ADGRL2: variants seen among roughly 807,000 people sequenced by gnomAD.
The protein encoded by ADGRL2 is calcium-independent alpha-latrotoxin receptor 2.
In ADGRL2, 44 loss-of-function variants were observed where a neutral mutation model predicts 157.4. The observed-to-expected ratio is 0.28, with a 90% CI of 0.22 to 0.36. The LOEUF (loss-of-function observed/expected upper bound fraction) is 0.36, where lower values mean the gene tolerates loss of function less well. Ranked by LOEUF, ADGRL2 falls within the 10% of genes least tolerant of loss-of-function variation. ADGRL2 has a pLI of 1.00. For missense variants in ADGRL2, 1,510 were observed against 1,768.9 expected (o/e 0.85, Z 2.63); for synonymous variants, 585 against 624.7 (o/e 0.94, Z 0.95).
At chr1:81,988,629 A>G (rs1176286760) in intron 23 of ADGRL2, among the ~76,000 whole-genome samples, 1 of 152,182 alleles carries the variant, frequency 6.6e-6, no homozygotes, top group African/African-American at 2.4e-5. Flanking sequence ...CAGATGTAGA[A>G]GTTGGGACAG....
At chr1:81,937,459 T>C (rs752801189) in intron 4 of ADGRL2, among the ~76,000 whole-genome samples, 17 of 151,894 alleles carry the variant, frequency 1.1e-4, no homozygotes, top group Non-Finnish European at 2.2e-4. Context: ...ATTGAAAAGT[T>C]TATAGGTAGG....
chr1:81,814,105 A>T (rs750901141), intron 1 of ADGRL2, among the ~76,000 whole-genome samples: 2 of 151,768 alleles, frequency 1.3e-5, no homozygotes, highest in Non-Finnish European at 3.0e-5. Context: ...GATGTTTATG[A>T]CAAGGAAATA....
chr1:81,451,892 T>C (rs1031746430), intron 2 of ADGRL2, among the ~76,000 whole-genome samples: 9 of 152,204 alleles, frequency 5.9e-5, no homozygotes, highest in African/African-American at 2.2e-4. Flanking sequence ...TATAAAATAA[T>C]ACACCTGTCT....
intron 15 of ADGRL2, 92 bp from the exon 16 acceptor site, chr1:81,970,222 G>A: frequency 3.6e-6 from 3 of 841,032 alleles, no homozygotes; most frequent in South Asian, 2.8e-5. Context: ...TGAAATAATA[G>A]TGATTTCTCT....
intron 1 of ADGRL2, among the ~76,000 whole-genome samples, chr1:81,751,361 G>A (rs1308219928): frequency 6.6e-6 from 1 of 152,154 alleles, no homozygotes; most frequent in Non-Finnish European, 1.5e-5. Flanking sequence ...CATGAGTAAT[G>A]TGCCACCTGA....
At chr1:81,808,403 G>C (rs2089435984) in intron 1 of ADGRL2, among the ~76,000 whole-genome samples, 1 of 151,934 alleles carries the variant, frequency 6.6e-6, no homozygotes, top group Non-Finnish European at 1.5e-5. Context: ...CGCCAGTTTT[G>C]ATATGCATAC....
At chr1:81,416,475 ATT>A (rs1397762470) in intron 1 of ADGRL2, among the ~76,000 whole-genome samples, 1 of 152,154 alleles carries the variant, frequency 6.6e-6, no homozygotes, top group Non-Finnish European at 1.5e-5. Flanking sequence ...TTGACTTTAA[ATT>A]ATCTGTTTAT....
rs74885567 is a variant in ADGRL2, at chr1:81,942,440, T to C, written c.409+395T>C. ...TGCATTTACTTTTCTGTGCTCCTAA[T>C]TGCATTTTCCAAATACTTATGTTCC... On this transcript the variant is annotated intron_variant, in intron 5 of 23. Coordinates refer to ENST00000686636, the MANE Select transcript of ADGRL2 (RefSeq NM_001366006.2). Among the ~76,000 whole-genome samples, 72 of 152,016 alleles carry C rather than the reference T, an allele frequency of 4.7e-4. No individual in the cohort carries two copies. The East Asian group carries it at 0.013, about 28-fold the overall frequency.
chr1:81,309,492 C>T (rs1659584241), intron 1 of ADGRL2, among the ~76,000 whole-genome samples: 1 of 152,096 alleles, frequency 6.6e-6, no homozygotes, highest in African/African-American at 2.4e-5. Context: ...TAATGCCTTC[C>T]TAATTATCTC....
At chr1:81,331,373 G>A (rs1326477350) in intron 1 of ADGRL2, among the ~76,000 whole-genome samples, 1 of 152,048 alleles carries the variant, frequency 6.6e-6, no homozygotes, top group Non-Finnish European at 1.5e-5. Flanking sequence ...CCCTTTGGGG[G>A]TATGTTACGT....
rs1044898019 is a variant in ADGRL2, at chr1:81,531,755, C to T, written c.-247-49121C>T. Among the ~76,000 whole-genome samples the T allele has an allele frequency of 2.6e-5, 4 of 152,128 alleles. No homozygotes were observed. The East Asian group carries it at 7.7e-4, about 29-fold the overall frequency. On this transcript the variant is annotated intron_variant, in intron 2 of 24. Coordinates refer to the ADGRL2 transcript ENST00000370721. ...CTTGATTTCAGGTTAGGGCTAGGATCGTGTCTAGAATGAAGGGCCTATATT... is the reference window on the plus strand; with the variant it reads ...CTTGATTTCAGGTTAGGGCTAGGATTGTGTCTAGAATGAAGGGCCTATATT...
chr1:81,923,203 T>C (rs1019448200), intron 3 of ADGRL2, among the ~76,000 whole-genome samples: 5 of 152,202 alleles, frequency 3.3e-5, no homozygotes, highest in Non-Finnish European at 5.9e-5. Flanking sequence ...TAATGCCTTA[T>C]TATATACAGC....
chr1:81,976,743 G>A (rs910325816), intron 17 of ADGRL2, among the ~76,000 whole-genome samples: 6 of 152,024 alleles, frequency 3.9e-5, no homozygotes, highest in Middle Eastern at 3.4e-3. Context: ...ACTAGTGGGA[G>A]TAGAAGCGTG....
Position 81,713,114 on chromosome 1 carries a change from T to A in ADGRL2, c.-143+13306T>A, listed in dbSNP as rs115633407. On this transcript the variant is annotated intron_variant, in intron 1 of 20. Transcript: ENST00000359929. Reference sequence around the variant, plus strand: ...TAAAAAACCCCGATATATAATGAAATGGAATGAAAATCATTTGAAGATGGA... The same window carrying A: ...TAAAAAACCCCGATATATAATGAAAAGGAATGAAAATCATTTGAAGATGGA... Among the ~76,000 whole-genome samples the A allele has an allele frequency of 2.3e-3, 343 of 152,164 alleles. 1 individual carries two copies. Among genetic ancestry groups the A allele is most frequent in the African/African-American group, 7.9e-3 (327 of 41,508 alleles).
chr1:81,466,826 T>A (rs1176480499), intron 2 of ADGRL2, among the ~76,000 whole-genome samples: 1 of 152,158 alleles, frequency 6.6e-6, no homozygotes, highest in Non-Finnish European at 1.5e-5. Flanking sequence ...TAAACCACAT[T>A]GTTTCTTTGG....
chr1:81,357,713 TG>T, intron 1 of ADGRL2, among the ~76,000 whole-genome samples: 1 of 152,224 alleles, frequency 6.6e-6, no homozygotes, highest in African/African-American at 2.4e-5. Context: ...CAGGCAGGCT[TG>T]GGGGTAGAAG....
chr1:81,806,618 C>A (rs1311186594), intron 1 of ADGRL2, among the ~76,000 whole-genome samples: 1 of 151,934 alleles, frequency 6.6e-6, no homozygotes, highest in Non-Finnish European at 1.5e-5. Context: ...GCTTTATTTT[C>A]TATCAAAATA....
chr1:81,523,316 G>T (rs1409115794), intron 2 of ADGRL2, among the ~76,000 whole-genome samples: 3 of 151,920 alleles, frequency 2.0e-5, no homozygotes, highest in Middle Eastern at 3.2e-3. Context: ...AATAGAGCCA[G>T]GAAGTCTTAA....
chr1:81,503,688 C>T lies in ADGRL2; in HGVS notation c.-248+58599C>T, dbSNP rs564912838. Among the ~76,000 whole-genome samples, 7 of 152,296 alleles carry T rather than the reference C, an allele frequency of 4.6e-5. No individual in the cohort carries two copies. In the South Asian group the frequency reaches 1.5e-3, roughly 32 times the overall value. On this transcript the variant is annotated intron_variant, in intron 2 of 24. Transcript: ENST00000370721. Reference sequence around the variant, plus strand: ...GGCAGGACAGACAGCGTTGTCCAATCAGGGATTGTCCTGGAGAACTGGGTG... The same window carrying T: ...GGCAGGACAGACAGCGTTGTCCAATTAGGGATTGTCCTGGAGAACTGGGTG...
Sources: allele counts gnomAD v4.1 joint callset (sites outside exome capture counted in the v4.1 genomes callset), GRCh38; gene constraint gnomAD v4.1.1; transcripts MANE v1.5; gene names NCBI Gene and HGNC (gene_info 2026-07-23, HGNC 2026-07-21).